Variants in UNC93A observed in about 807,000 individuals in gnomAD.
UNC93A encodes unc-93 homolog A.
In UNC93A, 43 loss-of-function variants were observed where a neutral mutation model predicts 47.5. That is an observed-to-expected ratio of 0.91 (90% CI 0.71 to 1.17). The LOEUF (loss-of-function observed/expected upper bound fraction) is 1.17. Ranked by LOEUF, UNC93A falls within the 50% of genes most tolerant of loss-of-function variation. The probability of loss-of-function intolerance (pLI) is 0.00; values close to 1 mark genes in which losing one functional copy is unlikely to be tolerated. For synonymous variants in UNC93A, 280 were observed against 258.0 expected (o/e 1.09, Z -0.82); for missense variants, 605 against 577.6 (o/e 1.05, Z -0.49).
chr6:167,269,176 G>A (rs929729084), upstream of UNC93A, among the ~76,000 whole-genome samples: 3 of 152,186 alleles, frequency 2.0e-5, no homozygotes, highest in Non-Finnish European at 2.9e-5. Flanking sequence ...GGAGACCGGC[G>A]GAACAGGCAG....
intron 7 of UNC93A, among the ~76,000 whole-genome samples, chr6:167,311,227 A>G (rs1004227218): frequency 6.6e-6 from 1 of 152,186 alleles, no homozygotes; most frequent in Non-Finnish European, 1.5e-5. Flanking sequence ...AATAAAACCC[A>G]ATGCACTTTG....
chr6:167,284,744 A>G (rs980202516), intron 1 of UNC93A, among the ~76,000 whole-genome samples: 1 of 152,230 alleles, frequency 6.6e-6, no homozygotes, highest in Non-Finnish European at 1.5e-5. Context: ...TTTCCTGAGA[A>G]GGGCCCTGGT....
intron 6 of UNC93A, 141 bp from the exon 7 acceptor site, chr6:167,307,638 G>A (rs1282175928): frequency 9.9e-7 from 1 of 1,014,960 alleles, no homozygotes; most frequent in Non-Finnish European, 1.4e-6. Flanking sequence ...CGGTTGAGAT[G>A]GTTGAGATGG....
chr6:167,299,709 AAGCC>A (rs1778187722), intron 4 of UNC93A, among the ~76,000 whole-genome samples: 1 of 152,210 alleles, frequency 6.6e-6, no homozygotes, highest in African/African-American at 2.4e-5. Flanking sequence ...GGTGGTCCCT[AAGCC>A]GAGTCTGGAC....
chr6:167,277,992 C>A (rs1783571809), intron 1 of UNC93A, among the ~76,000 whole-genome samples: 1 of 152,158 alleles, frequency 6.6e-6, no homozygotes, highest in East Asian at 1.9e-4. Flanking sequence ...TGCTCTGGGT[C>A]AGAGCGCTTT....
intron 1 of UNC93A, among the ~76,000 whole-genome samples, chr6:167,284,111 C>T (rs1783680256): frequency 6.6e-6 from 1 of 152,162 alleles, no homozygotes; most frequent in Non-Finnish European, 1.5e-5. Context: ...CTGGCTTCTG[C>T]TCACTTCTGG....
In UNC93A at chr6:167,307,819, G is replaced by A. The variant is rs778620694; in HGVS notation, c.1017G>A (p.Leu339=). 1.9e-6 allele frequency: 3 copies of A among 1,614,012 alleles called. No homozygotes were observed. Among genetic ancestry groups the A allele is most frequent in the Non-Finnish European group, 2.5e-6 (3 of 1,179,988 alleles). Residue 339 remains leucine, a synonymous_variant, in exon 7 of 8, where the codon CTG becomes CTA. Coordinates refer to ENST00000230256, the MANE Select transcript of UNC93A (RefSeq NM_018974.4). ...THVSCMIALL[L]WRPRADHLAV... is the part of the protein sequence containing the mutation. ...TGTCCTGCATGATTGCCCTACTGCT[G>A]TGGAGACCTCGTGCTGACCATCTGG...
chr6:167,272,537 G>C (rs141094987), intron 1 of UNC93A, among the ~76,000 whole-genome samples: 1 of 152,320 alleles, frequency 6.6e-6, no homozygotes, highest in African/African-American at 2.4e-5. Flanking sequence ...TGCCCAAGGT[G>C]GTGGGGAGCA....
At chr6:167,306,397 G>A (rs1349551270) in intron 6 of UNC93A, among the ~76,000 whole-genome samples, 3 of 152,148 alleles carry the variant, frequency 2.0e-5, no homozygotes, top group Admixed American at 6.5e-5. Flanking sequence ...GAGGCCATGG[G>A]GTTCACGGAA....
At chr6:167,286,210 C>T (rs560481360) in intron 1 of UNC93A, among the ~76,000 whole-genome samples, 1 of 152,220 alleles carries the variant, frequency 6.6e-6, no homozygotes, top group East Asian at 1.9e-4. Flanking sequence ...TTCATCATAT[C>T]GAGTACCTTT....
chr6:167,291,282 G>C (rs1381367472), upstream of UNC93A: 3 of 438,948 alleles, frequency 6.8e-6, no homozygotes, highest in Non-Finnish European at 1.2e-5. Flanking sequence ...CAGAGCTCCC[G>C]TATGCTTCAT....
chr6:167,292,279 C>T (rs1330325195), intron 1 of UNC93A, among the ~76,000 whole-genome samples: 1 of 152,170 alleles, frequency 6.6e-6, no homozygotes, highest in Non-Finnish European at 1.5e-5. Flanking sequence ...TTCATTGCCA[C>T]AGTGTTGTAC....
In UNC93A at chr6:167,307,773, C is replaced by T. The variant is rs1007337794; in HGVS notation, c.977-6C>T. 3.8e-6 allele frequency: 6 copies of T among 1,591,748 alleles called. No individual in the cohort carries two copies. The highest frequency in any genetic ancestry group is 5.1e-6 in the Non-Finnish European group (6 of 1,172,110). Reference sequence around the variant, plus strand: ...TCGCCTGGCGGTTTCCCCTCTGCACCCCCAGGCGCGGTGACCCACGTGTCC... The same window carrying T: ...TCGCCTGGCGGTTTCCCCTCTGCACTCCCAGGCGCGGTGACCCACGTGTCC... On this transcript the variant is annotated splice_polypyrimidine_tract_variant and splice_region_variant and intron_variant, in intron 6 of 7. Transcript: ENST00000230256.
chr6:167,271,332 G>T (rs1330512821), exon 1 of UNC93A: 2 of 152,396 alleles, frequency 1.3e-5, no homozygotes, highest in Non-Finnish European at 2.9e-5. Flanking sequence ...CTGAGGGCCA[G>T]AGTTAAGAAA....
chr6:167,312,915 A>G (rs949404211), intron 7 of UNC93A, among the ~76,000 whole-genome samples: 2 of 152,216 alleles, frequency 1.3e-5, no homozygotes, highest in African/African-American at 4.8e-5. Flanking sequence ...CTCCTCCCCT[A>G]GACTGGGCTG....
At chr6:167,290,163 A>G (rs967390142), upstream of UNC93A, among the ~76,000 whole-genome samples, 1 of 152,144 alleles carries the variant, frequency 6.6e-6, no homozygotes, top group Non-Finnish European at 1.5e-5. Context: ...TAGGGTGTGA[A>G]CCCGTGGAGC....
chr6:167,305,240 G>A (rs1466714501), intron 5 of UNC93A, among the ~76,000 whole-genome samples: 1 of 152,236 alleles, frequency 6.6e-6, no homozygotes, highest in African/African-American at 2.4e-5. Context: ...AACTTTATCT[G>A]GCAGTGCTAC....
intron 2 of UNC93A, 29 bp from the exon 3 acceptor site, chr6:167,296,003 C>G: frequency 6.2e-7 from 1 of 1,600,724 alleles, no homozygotes; most frequent in Non-Finnish European, 8.6e-7. Flanking sequence ...TCTCCTGTTA[C>G]AGGCTATGGG....
upstream of UNC93A, among the ~76,000 whole-genome samples, chr6:167,270,074 C>T (rs1441961367): frequency 2.4e-5 from 3 of 123,636 alleles, no homozygotes; most frequent in East Asian, 4.8e-4. Flanking sequence ...GGGGGGGGGG[C>T]GTTCACATGG....
Sources: allele counts gnomAD v4.1 joint callset (sites outside exome capture counted in the v4.1 genomes callset), GRCh38; gene constraint gnomAD v4.1.1; transcripts MANE v1.5; gene names NCBI Gene and HGNC (gene_info 2026-07-23, HGNC 2026-07-21).